Variants in RALGPS1 observed in about 807,000 individuals in gnomAD.
The protein encoded by RALGPS1 is ras-specific guanine nucleotide-releasing factor RalGPS1.
In RALGPS1, 19 loss-of-function variants were observed where a neutral mutation model predicts 78.8. The observed-to-expected ratio is 0.24, with a 90% CI of 0.17 to 0.35. The LOEUF (loss-of-function observed/expected upper bound fraction) is 0.35, where lower values mean the gene tolerates loss of function less well. Among genes scored for constraint, RALGPS1 ranks in the 10% least tolerant of loss-of-function variants. RALGPS1 has a pLI of 1.00. For missense variants in RALGPS1, 454 were observed against 688.3 expected, an observed-to-expected ratio of 0.66 and a Z score of 3.81; for synonymous variants, 228 against 256.3, an observed-to-expected ratio of 0.89 and a Z score of 1.06.
intron 8 of RALGPS1, among the ~76,000 whole-genome samples, chr9:127,107,659 C>G (rs2054349451): frequency 3.3e-5 from 5 of 152,164 alleles, no homozygotes; most frequent in Admixed American, 3.3e-4. Context: ...CTGTCAGAAA[C>G]CAGAGAGTGT....
intron 1 of RALGPS1, among the ~76,000 whole-genome samples, chr9:126,941,187 G>A (rs1368992440): frequency 1.3e-5 from 2 of 151,562 alleles, no homozygotes; most frequent in African/African-American, 4.8e-5. Flanking sequence ...TGTTGGGGAA[G>A]GAGGGATGAT....
chr9:126,951,129 A>G (rs1252365026), intron 1 of RALGPS1, among the ~76,000 whole-genome samples: 1 of 152,068 alleles, frequency 6.6e-6, no homozygotes, highest in Non-Finnish European at 1.5e-5. Context: ...AAGAAGTTGA[A>G]TCTCTGAATA....
At chr9:127,150,742 C>G (rs1277701370) in intron 8 of RALGPS1, among the ~76,000 whole-genome samples, 1 of 152,242 alleles carries the variant, frequency 6.6e-6, no homozygotes, top group Admixed American at 6.5e-5. Context: ...CGTTCATCCT[C>G]AGAGCTCACC....
intron 8 of RALGPS1, among the ~76,000 whole-genome samples, chr9:127,156,125 T>C (rs1228926269): frequency 2.6e-5 from 4 of 152,238 alleles, no homozygotes; most frequent in Non-Finnish European, 5.9e-5. Context: ...TGTCAGTTCT[T>C]AGAAATATAT....
At chr9:127,150,562 T>A (rs2058359784) in intron 8 of RALGPS1, among the ~76,000 whole-genome samples, 1 of 152,208 alleles carries the variant, frequency 6.6e-6, no homozygotes, top group African/African-American at 2.4e-5. Context: ...TGTATGCCCT[T>A]CATGGCCAAG....
Position 127,218,883 on chromosome 9 carries a change from CTGG to C in RALGPS1, c.*115_*117del. 1.6e-6 allele frequency: 2 copies of C among 1,253,448 alleles called. No individual in the cohort carries two copies. Among genetic ancestry groups the C allele is most frequent in the Non-Finnish European group, 2.3e-6 (2 of 855,062 alleles). The allele number at this position is 1,253,448 out of a possible 1,614,324, so 77.6% of individuals were successfully genotyped here. ...AGCCAGGGTGCTGGGAAACTCACAG[CTGG>C]ACTCAGGGGACACGGCCTGTGGCCT... On this transcript the variant is annotated 3_prime_UTR_variant, in exon 19 of 19. Coordinates refer to ENST00000259351, the MANE Select transcript of RALGPS1 (RefSeq NM_014636.3). The surrounding 1 kb of genome is among the most constrained non-coding windows in gnomAD (Gnocchi z 4.4).
intron 7 of RALGPS1, among the ~76,000 whole-genome samples, chr9:127,057,344 C>T (rs919856493): frequency 1.3e-5 from 2 of 152,192 alleles, no homozygotes; most frequent in African/African-American, 2.4e-5. Flanking sequence ...ATCTGGGAAA[C>T]CTGGTGGAAG....
intron 5 of RALGPS1, among the ~76,000 whole-genome samples, chr9:127,041,103 T>A (rs75024953): frequency 8.6e-5 from 13 of 151,614 alleles, no homozygotes; most frequent in African/African-American, 1.7e-4. Flanking sequence ...TCTTTTTTTT[T>A]ATCCCCGAGG....
intron 1 of RALGPS1, among the ~76,000 whole-genome samples, chr9:126,949,444 T>C (rs2037599663): frequency 6.6e-6 from 1 of 152,180 alleles, no homozygotes; most frequent in African/African-American, 2.4e-5. Context: ...GTCAAAGTGT[T>C]CCTGTTTCTC....
chr9:127,088,581 T>C lies in RALGPS1; in HGVS notation c.610+19225T>C, dbSNP rs1275074122. The C allele has an allele frequency of 5.9e-5, 17 of 288,512 alleles. No individual in the cohort carries two copies. The East Asian group carries it at 1.2e-3, about 21-fold the overall frequency. 17.9% of individuals were successfully genotyped at this position (288,512 alleles called of 1,614,324 possible). On this transcript the variant is annotated intron_variant, in intron 8 of 18. Transcript: ENST00000259351. The stretch of plus-strand genomic sequence containing the variant: ...TGTGATGTATATCTAAATGCATATA[T>C]ATGTGGTATACACATACGTGCACAA...
chr9:127,107,936 A>G, intron 8 of RALGPS1: 3 of 1,535,966 alleles, frequency 2.0e-6, no homozygotes, highest in Non-Finnish European at 2.6e-6. Context: ...TCGGTGGAAG[A>G]TGGGAGGCTG....
At chr9:127,047,391 A>G (rs185060827) in intron 5 of RALGPS1, among the ~76,000 whole-genome samples, 3 of 152,302 alleles carry the variant, frequency 2.0e-5, no homozygotes, top group African/African-American at 7.2e-5. Flanking sequence ...AGAGACAAAC[A>G]TGTTCTATAT....
chr9:127,030,453 A>G (rs940116793), intron 4 of RALGPS1, among the ~76,000 whole-genome samples: 5 of 152,140 alleles, frequency 3.3e-5, no homozygotes, highest in African/African-American at 7.2e-5. Flanking sequence ...AATATGGTGG[A>G]GGCTAAGAGC....
At chr9:127,039,661 A>C (rs751131516) in intron 5 of RALGPS1, among the ~76,000 whole-genome samples, 17 of 152,328 alleles carry the variant, frequency 1.1e-4, no homozygotes, top group Middle Eastern at 3.4e-3. Flanking sequence ...GAAGAAGCCA[A>C]GACCTGGGTG....
intron 4 of RALGPS1, among the ~76,000 whole-genome samples, chr9:126,982,374 C>T (rs1204097949): frequency 6.6e-6 from 1 of 152,170 alleles, no homozygotes; most frequent in Admixed American, 6.5e-5. Flanking sequence ...AGTCACGTCA[C>T]CTCTCTAAGT....
chr9:127,057,275 G>T (rs2048823786), intron 7 of RALGPS1, among the ~76,000 whole-genome samples: 1 of 152,216 alleles, frequency 6.6e-6, no homozygotes, highest in African/African-American at 2.4e-5. Context: ...CACAGGGCCT[G>T]GGGACAGGGC....
chr9:127,101,907 AT>A (rs949240003), intron 8 of RALGPS1, among the ~76,000 whole-genome samples: 5 of 151,690 alleles, frequency 3.3e-5, no homozygotes, highest in South Asian at 4.2e-4. Flanking sequence ...AAAGTAACTT[AT>A]TTTTTTTTAA....
intron 8 of RALGPS1, among the ~76,000 whole-genome samples, chr9:127,073,891 A>T (rs2050443077): frequency 6.6e-6 from 1 of 151,770 alleles, no homozygotes; most frequent in African/African-American, 2.4e-5. Flanking sequence ...TATTATTATT[A>T]TTTTTTTGAG....
intron 11 of RALGPS1, among the ~76,000 whole-genome samples, chr9:127,179,369 G>T (rs2060077294): frequency 6.6e-6 from 1 of 152,216 alleles, no homozygotes; most frequent in Non-Finnish European, 1.5e-5. Context: ...GGCCAGAGGG[G>T]CAGCTCCAGG....
Sources: allele counts gnomAD v4.1 joint callset (sites outside exome capture counted in the v4.1 genomes callset), GRCh38; gene constraint gnomAD v4.1.1; non-coding constraint Gnocchi (gnomAD v3.1); transcripts MANE v1.5; gene names NCBI Gene and HGNC (gene_info 2026-07-23, HGNC 2026-07-21).